RPAP2: variants seen among roughly 807,000 people sequenced by gnomAD.
The protein encoded by RPAP2 is RNA polymerase II associated protein 2.
Under a neutral mutation model 73.1 loss-of-function variants are expected in RPAP2, and 52 were observed. The observed-to-expected ratio is 0.71, with a 90% CI of 0.57 to 0.90. The LOEUF is 0.90. Among genes scored for constraint, RPAP2 ranks in the 40% least tolerant of loss-of-function variants. RPAP2 has a pLI of 0.00. For missense variants in RPAP2, 598 were observed against 701.8 expected, an observed-to-expected ratio of 0.85 and a Z score of 1.67; for synonymous variants, 225 against 242.1, an observed-to-expected ratio of 0.93 and a Z score of 0.65.
chr1:92,363,511 A>G (rs1654811352), intron 11 of RPAP2, among the ~76,000 whole-genome samples: 1 of 152,206 alleles, frequency 6.6e-6, no homozygotes, highest in African/African-American at 2.4e-5. Context: ...TTCATTTTTC[A>G]GTGAAGTAGG....
At chr1:92,320,015 AAAAG>A (rs1652154598) in intron 6 of RPAP2, among the ~76,000 whole-genome samples, 2 of 152,234 alleles carry the variant, frequency 1.3e-5, no homozygotes, top group Admixed American at 1.3e-4. Flanking sequence ...AAAAAAAAGA[AAAAG>A]AAAAAGTTAA....
intron 8 of RPAP2, among the ~76,000 whole-genome samples, chr1:92,326,748 G>A (rs1652656023): frequency 6.6e-6 from 1 of 152,182 alleles, no homozygotes; most frequent in African/African-American, 2.4e-5. Flanking sequence ...AAAGCTGGTG[G>A]CAGGCCTCAC....
At chr1:92,381,008 G>T in intron 12 of RPAP2, 135 bp downstream of exon 12, 1 of 660,636 alleles carries the variant, frequency 1.5e-6, no homozygotes, top group Non-Finnish European at 2.4e-6. Flanking sequence ...GGAAGGACAT[G>T]ATATCCCTTA....
At chr1:92,347,516 TATC>T (rs1166685533) in intron 11 of RPAP2, among the ~76,000 whole-genome samples, 1 of 152,216 alleles carries the variant, frequency 6.6e-6, no homozygotes, top group Admixed American at 6.5e-5. Context: ...CTGAAAGTAT[TATC>T]ATCATGAGCA....
chr1:92,304,202 T>C lies in RPAP2; in HGVS notation c.334-82T>C, dbSNP rs146695390. On this transcript the variant is annotated intron_variant, in intron 4 of 12. Coordinates refer to ENST00000610020, the MANE Select transcript of RPAP2 (RefSeq NM_024813.3). ...AGGCATGGATTGGCCAATGATATGA[T>C]ATGTAGATGACTTAATCTTGTAACA... The C allele has an allele frequency of 3.2e-3, 3,611 of 1,121,754 alleles. 79 individuals are homozygous for C. In the African/African-American group the frequency reaches 0.048, roughly 15 times the overall value. The allele number at this position is 1,121,754 out of a possible 1,614,324, so 69.5% of individuals were successfully genotyped here.
chr1:92,347,149 T>C (rs1653945182), intron 11 of RPAP2, among the ~76,000 whole-genome samples: 1 of 152,166 alleles, frequency 6.6e-6, no homozygotes, highest in Non-Finnish European at 1.5e-5. Context: ...ACATAGAAAA[T>C]AACTTTACTT....
chr1:92,377,433 G>T (rs771025396), intron 11 of RPAP2, among the ~76,000 whole-genome samples: 1 of 148,688 alleles, frequency 6.7e-6, no homozygotes, highest in African/African-American at 2.5e-5. Context: ...CAGGATAATC[G>T]CTTGAACCTG....
intron 6 of RPAP2, among the ~76,000 whole-genome samples, chr1:92,311,363 G>A (rs1050234469): frequency 3.9e-5 from 6 of 152,306 alleles, no homozygotes; most frequent in Middle Eastern, 3.4e-3. Context: ...TTAAAATGAT[G>A]AAAATTAAAA....
chr1:92,333,161 T>A (rs1408949358), intron 8 of RPAP2: 2 of 467,686 alleles, frequency 4.3e-6, no homozygotes, highest in African/African-American at 3.9e-5. Flanking sequence ...AATATCCCAA[T>A]TATAAAGATG....
At chr1:92,332,292 C>T (rs916346178) in intron 8 of RPAP2, among the ~76,000 whole-genome samples, 1 of 151,860 alleles carries the variant, frequency 6.6e-6, no homozygotes, top group Non-Finnish European at 1.5e-5. Context: ...CCGTATTTTT[C>T]TATTCTAGGG....
rs565141965 is a variant in RPAP2, at chr1:92,309,128, C to T, written c.488+1852C>T. Among the ~76,000 whole-genome samples the T allele has an allele frequency of 3.3e-5, 5 of 151,906 alleles. No individual in the cohort carries two copies. In the East Asian group the frequency reaches 7.7e-4, roughly 23 times the overall value. ...TACCTTAGCTATATACCCTTCACTA[C>T]CTCACTAAAAAAGAAAGATGAAAAT... On this transcript the variant is annotated intron_variant, in intron 6 of 12. Transcript: ENST00000610020.
At chr1:92,322,343 G>A (rs918047135) in intron 7 of RPAP2, among the ~76,000 whole-genome samples, 1 of 150,738 alleles carries the variant, frequency 6.6e-6, no homozygotes, top group Non-Finnish European at 1.5e-5. Flanking sequence ...TCGGGAGTTT[G>A]AGACCAGCCT....
Position 92,387,198 on chromosome 1 carries a change from A to G in RPAP2, c.*187A>G, listed in dbSNP as rs72960848. ...ACTGCAGAGGATGACCTCCCCAGAT[A>G]GAGGAGAATCATTACTCCAACAAGA... On this transcript the variant is annotated 3_prime_UTR_variant, in exon 13 of 13. Coordinates refer to ENST00000610020, the MANE Select transcript of RPAP2 (RefSeq NM_024813.3). The G allele has an allele frequency of 5.7e-3, 2,488 of 436,286 alleles. 51 individuals carry two copies. The highest frequency in any genetic ancestry group is 0.046 in the African/African-American group (2,306 of 50,236). 27.0% of individuals were successfully genotyped at this position (436,286 alleles called of 1,614,324 possible).
intron 6 of RPAP2, among the ~76,000 whole-genome samples, chr1:92,312,878 G>A (rs1651679521): frequency 6.6e-6 from 1 of 151,118 alleles, no homozygotes. Context: ...CTGGAGTGCA[G>A]TGGCGCGATC....
chr1:92,343,703 C>T (rs1004953361), intron 10 of RPAP2, among the ~76,000 whole-genome samples: 3 of 151,872 alleles, frequency 2.0e-5, no homozygotes, highest in Non-Finnish European at 2.9e-5. Flanking sequence ...TACACAAAGA[C>T]TCTTGCCCTC....
At chr1:92,309,440 C>CAAA (rs35648463) in intron 6 of RPAP2, among the ~76,000 whole-genome samples, 232 of 145,712 alleles carry the variant, frequency 1.6e-3, no homozygotes, top group East Asian at 3.6e-3. Context: ...GACTCCATCT[C>CAAA]AAAAAAAAAA....
At chr1:92,369,412 C>T (rs772077643) in intron 11 of RPAP2, among the ~76,000 whole-genome samples, 1 of 152,082 alleles carries the variant, frequency 6.6e-6, no homozygotes, top group African/African-American at 2.4e-5. Context: ...TTGTGGGAAC[C>T]GATCCTCCCA....
chr1:92,303,696 G>GCCTC, intron 3 of RPAP2, among the ~76,000 whole-genome samples: 1 of 152,044 alleles, frequency 6.6e-6, no homozygotes, highest in East Asian at 1.9e-4. Context: ...TCTTCCTCAT[G>GCCTC]CCTCAGAATT....
intron 8 of RPAP2, among the ~76,000 whole-genome samples, chr1:92,330,665 T>G (rs1652914093): frequency 1.3e-5 from 2 of 151,982 alleles, no homozygotes; most frequent in African/African-American, 2.4e-5. Context: ...CAGGCCAGGT[T>G]GGTCTCGAAC....
Sources: gnomAD v4.1 joint callset for allele counts (sites outside exome capture counted in the v4.1 genomes callset) on GRCh38, gnomAD v4.1.1 for gene constraint, MANE v1.5 for transcripts, NCBI Gene and HGNC (gene_info 2026-07-23, HGNC 2026-07-21) for gene names.